The following RALGAPA2 variants were observed in gnomAD, a reference collection of about 807,000 sequenced individuals.
RALGAPA2 encodes the protein ral GTPase-activating protein subunit alpha-2.
Under a neutral mutation model 230.4 loss-of-function variants are expected in RALGAPA2, and 139 were observed. The ratio of observed to expected loss-of-function variants is 0.60; its 90% CI spans 0.53 to 0.69. RALGAPA2 has a LOEUF of 0.69. Ranked by LOEUF, RALGAPA2 falls within the 30% of genes least tolerant of loss-of-function variation. The pLI is 0.00. For synonymous variants in RALGAPA2, 847 were observed against 837.8 expected (o/e 1.01, Z -0.19); for missense variants, 2,163 against 2,276.0 (o/e 0.95, Z 1.01).
chr20:20,607,786 C>T (rs995576222), intron 14 of RALGAPA2, among the ~76,000 whole-genome samples: 1 of 152,180 alleles, frequency 6.6e-6, no homozygotes, highest in Non-Finnish European at 1.5e-5. Flanking sequence ...AATTATGAAA[C>T]AAGCGCAGAA....
chr20:20,485,148 G>C (rs2061878898), intron 36 of RALGAPA2, among the ~76,000 whole-genome samples: 1 of 150,980 alleles, frequency 6.6e-6, no homozygotes, highest in Non-Finnish European at 1.5e-5. Context: ...TGTGGCCCTT[G>C]GGATGCAAAA....
chr20:20,494,002 C>G (rs1427771817), intron 36 of RALGAPA2, among the ~76,000 whole-genome samples: 1 of 152,070 alleles, frequency 6.6e-6, no homozygotes, highest in East Asian at 1.9e-4. Flanking sequence ...GAATAATAAG[C>G]ATGTTAAACT....
At chr20:20,416,070 C>T (rs926719193) in intron 37 of RALGAPA2, among the ~76,000 whole-genome samples, 2 of 152,108 alleles carry the variant, frequency 1.3e-5, no homozygotes, top group East Asian at 3.9e-4. Flanking sequence ...CAAGTGGTTC[C>T]GACTCCAGCC....
intron 38 of RALGAPA2, among the ~76,000 whole-genome samples, chr20:20,411,479 C>A (rs560087210): frequency 6.6e-6 from 1 of 152,318 alleles, no homozygotes; most frequent in South Asian, 2.1e-4. Context: ...TAAACGGGTT[C>A]CACACCAGGT....
intron 38 of RALGAPA2, among the ~76,000 whole-genome samples, chr20:20,409,032 C>T (rs753495221): frequency 7.9e-5 from 12 of 152,146 alleles, no homozygotes; most frequent in Non-Finnish European, 1.6e-4. Flanking sequence ...AAATGCCGAG[C>T]GCTCATATAT....
intron 33 of RALGAPA2, 84 bp from the exon 34 acceptor site, chr20:20,505,618 C>T: frequency 8.3e-7 from 1 of 1,211,652 alleles, no homozygotes. Flanking sequence ...AGCATGACTT[C>T]TACCACTGAG....
chr20:20,449,463 C>T (rs2060939610), intron 37 of RALGAPA2, among the ~76,000 whole-genome samples: 2 of 152,212 alleles, frequency 1.3e-5, no homozygotes, highest in African/African-American at 2.4e-5. Context: ...ATAAGACACT[C>T]AAGTTTCCTT....
chr20:20,524,401 C>T lies in RALGAPA2; in HGVS notation c.3900+5G>A. On this transcript the variant is annotated splice_donor_5th_base_variant and intron_variant, in intron 30 of 39. Transcript: ENST00000202677. The stretch of plus-strand genomic sequence containing the variant: ...CCATTCCCCCAGGCCCAGGTGTAGA[C>T]TCACCCTGTAGATATAATCCAGCAA... The T allele has an allele frequency of 1.2e-6, 2 of 1,613,234 alleles. No homozygotes were observed. Among genetic ancestry groups the T allele is most frequent in the Non-Finnish European group, 1.7e-6 (2 of 1,179,522 alleles).
intron 38 of RALGAPA2, among the ~76,000 whole-genome samples, chr20:20,407,493 G>C (rs539868375): frequency 7.2e-5 from 11 of 152,310 alleles, no homozygotes; most frequent in Admixed American, 5.2e-4. Context: ...CATATGGCGC[G>C]GAGGCCTTAG....
chr20:20,483,399 G>C (rs2061827977), intron 36 of RALGAPA2, among the ~76,000 whole-genome samples: 1 of 152,192 alleles, frequency 6.6e-6, no homozygotes. Flanking sequence ...ACACATGAGA[G>C]AATGGGCAAG....
At chr20:20,637,703 T>G (rs971515933) in intron 7 of RALGAPA2, among the ~76,000 whole-genome samples, 5 of 152,214 alleles carry the variant, frequency 3.3e-5, no homozygotes, top group Non-Finnish European at 5.9e-5. Context: ...GTAACTATGT[T>G]AAAAACAGCA....
intron 15 of RALGAPA2, among the ~76,000 whole-genome samples, chr20:20,604,940 CTACTAT>C (rs1441195282): frequency 6.6e-6 from 1 of 152,170 alleles, no homozygotes; most frequent in Non-Finnish European, 1.5e-5. Context: ...TTAGTTATCA[CTACTAT>C]TACTACTACC....
intron 31 of RALGAPA2, among the ~76,000 whole-genome samples, chr20:20,518,591 T>C (rs145486263): frequency 6.6e-6 from 1 of 152,312 alleles, no homozygotes; most frequent in African/African-American, 2.4e-5. Flanking sequence ...AAAACTCCTT[T>C]GTCAGAGAAG....
At position 20,640,702 on chromosome 20, in the gene RALGAPA2, A is replaced by G; in HGVS notation, c.549T>C (p.Asp183=). 2 of 1,607,126 alleles carry G rather than the reference A, an allele frequency of 1.2e-6. No individual in the cohort carries two copies. Among genetic ancestry groups the G allele is most frequent in the East Asian group, 4.5e-5 (2 of 44,758 alleles). The part of the protein sequence containing the change: ...TLINPSPSVA[D]VKIYPEEITP... ...GGGAGATCTGCTAACATAACTTACC[A>G]TCAGCTACACTAGGGCTGGGATTGA... is the stretch of plus-strand genomic sequence containing the variant. Residue 183 remains aspartate (D), a splice_region_variant and synonymous_variant, in exon 6 of 40, where the codon GAT becomes GAC. Transcript: ENST00000202677.
intron 30 of RALGAPA2, among the ~76,000 whole-genome samples, chr20:20,523,345 AATG>A (rs1317498476): frequency 6.6e-6 from 1 of 152,242 alleles, no homozygotes; most frequent in East Asian, 1.9e-4. Flanking sequence ...ATGTTATAAA[AATG>A]ATGACGCTAA....
At chr20:20,431,655 T>C (rs767237820) in intron 37 of RALGAPA2, among the ~76,000 whole-genome samples, 2 of 152,154 alleles carry the variant, frequency 1.3e-5, no homozygotes, top group Admixed American at 6.5e-5. Flanking sequence ...TAGGTAATAA[T>C]GTATTATAGA....
chr20:20,588,420 G>A (rs987593270), intron 18 of RALGAPA2, among the ~76,000 whole-genome samples: 3 of 152,122 alleles, frequency 2.0e-5, no homozygotes, highest in African/African-American at 7.2e-5. Flanking sequence ...CCTGTTTAGA[G>A]ATACATAGTT....
chr20:20,451,322 C>T (rs755816544), intron 37 of RALGAPA2, among the ~76,000 whole-genome samples: 35 of 152,086 alleles, frequency 2.3e-4, no homozygotes, highest in African/African-American at 2.7e-4. Context: ...AAACATGAAA[C>T]CAAAATGAAA....
rs1348872063 is a variant in RALGAPA2, at chr20:20,390,692, A to AAAAAAAAAT, written c.*2588_*2596dup. 2 of 134,620 alleles carry AAAAAAAAAT rather than the reference A, an allele frequency of 1.5e-5. No individual in the cohort carries two copies. The highest frequency in any genetic ancestry group is 7.7e-5 in the African/African-American group (2 of 25,996). The allele number at this position is 134,620 out of a possible 1,614,324, so 8.3% of individuals were successfully genotyped here. ...AACACAATATTTGCTTTTCTAAGTAAAAAAAAAATAAAAAAGAAACTTGAT... is the reference window on the plus strand; with the variant it reads ...AACACAATATTTGCTTTTCTAAGTAAAAAAAAAATAAAAAAAATAAAAAAGAAACTTGAT... On this transcript the variant is annotated 3_prime_UTR_variant, in exon 40 of 40. Coordinates refer to ENST00000202677, the MANE Select transcript of RALGAPA2 (RefSeq NM_020343.4).
Sources: allele counts gnomAD v4.1 joint callset (sites outside exome capture counted in the v4.1 genomes callset), GRCh38; gene constraint gnomAD v4.1.1; transcripts MANE v1.5; gene names NCBI Gene and HGNC (gene_info 2026-07-23, HGNC 2026-07-21).